SLC35F5: variants seen among roughly 807,000 people sequenced by gnomAD.
SLC35F5 encodes the protein HCV NS5A-transactivated protein 3.
Under a neutral mutation model 68.6 loss-of-function variants are expected in SLC35F5, and 54 were observed. The observed-to-expected ratio is 0.79, with a 90% CI of 0.63 to 0.99. SLC35F5 has a LOEUF of 0.99. Ranked by LOEUF, SLC35F5 falls within the 50% of genes least tolerant of loss-of-function variation. The probability of loss-of-function intolerance (pLI) is 0.00; values close to 1 mark genes in which losing one functional copy is unlikely to be tolerated. For synonymous variants in SLC35F5, 211 were observed against 205.2 expected (o/e 1.03, Z -0.24); for missense variants, 567 against 626.9 (o/e 0.90, Z 1.02).
chr2:113,742,768 T>G lies in SLC35F5; in HGVS notation c.674A>C (p.Gln225Pro), dbSNP rs771468412. The change falls in exon 7 of 16, where the codon CAA becomes CCA. Residue 225 changes from glutamine (Q) to proline (P), a missense_variant. Physicochemically the swap from Gln to Pro is moderately conservative, Grantham distance 76. Coordinates refer to ENST00000245680, the MANE Select transcript of SLC35F5 (RefSeq NM_025181.5). ...CCCCACAGTTTTCAGTATGGATTCTTGTTCTTTCACAGGATATGACATGCG... is the reference window on the plus strand; with the variant it reads ...CCCCACAGTTTTCAGTATGGATTCTGGTTCTTTCACAGGATATGACATGCG... ...LSRMSYPVKE[Q>P]ESILKTVGKL... The G allele has an allele frequency of 3.7e-6, 6 of 1,614,074 alleles. No individual in the cohort carries two copies.
downstream of SLC35F5, among the ~76,000 whole-genome samples, chr2:113,704,512 C>A (rs111595567): frequency 0.17 from 25,655 of 151,348 alleles, 2,766 homozygotes; most frequent in South Asian, 0.24. Flanking sequence ...GCTGGGAAGG[C>A]TCAGGCATGG....
intron 11 of SLC35F5, 173 bp from the exon 12 acceptor site, chr2:113,725,710 G>GA (rs1468770050): frequency 1.2e-3 from 577 of 469,228 alleles, no homozygotes; most frequent in East Asian, 3.9e-3. Flanking sequence ...CAACGCCATA[G>GA]AAAAAAAAAC....
intron 1 of SLC35F5, chr2:113,755,893 T>C: frequency 6.4e-7 from 1 of 1,550,704 alleles, no homozygotes; most frequent in Non-Finnish European, 8.7e-7. Context: ...GGACAGCGTC[T>C]AGACACTGTT....
rs1158074157 is a variant in SLC35F5, at chr2:113,719,173, T to C, written c.1477A>G (p.Arg493Gly). 1 of 1,607,060 alleles carries C rather than the reference T, an allele frequency of 6.2e-7. No individual in the cohort carries two copies. Among genetic ancestry groups the C allele is most frequent in the Admixed American group, 1.7e-5 (1 of 58,034 alleles). Residue 493 changes from arginine (R) to glycine (G), a missense_variant, in exon 14 of 16, where the codon AGA becomes GGA. By Grantham distance (125) the Arg-to-Gly change is moderately radical. Transcript: ENST00000245680. ...GIRRIFAFIC[R>G]KHRIQRVPED... The stretch of plus-strand genomic sequence containing the variant: ...ACTTACCTCTGAATTCGATGTTTTC[T>C]GCATATAAAAGCAAATATTCTTCTG...
intron 12 of SLC35F5, among the ~76,000 whole-genome samples, chr2:113,724,364 C>T (rs543397174): frequency 6.6e-6 from 1 of 152,018 alleles, no homozygotes; most frequent in South Asian, 2.1e-4. Context: ...TTAAAAAAAT[C>T]GAGTATCTAA....
At chr2:113,743,641 C>T in intron 6 of SLC35F5, 72 bp downstream of exon 6, 1 of 1,219,058 alleles carries the variant, frequency 8.2e-7, no homozygotes, top group Non-Finnish European at 1.2e-6. Flanking sequence ...TTCAGTCAAC[C>T]CACATCATCA....
At chr2:113,739,391 T>G (rs949169417) in intron 7 of SLC35F5, among the ~76,000 whole-genome samples, 1 of 152,232 alleles carries the variant, frequency 6.6e-6, no homozygotes, top group African/African-American at 2.4e-5. Flanking sequence ...ATTTTTGATC[T>G]GCAGTTGGTT....
At chr2:113,729,672 T>A (rs1687808227) in intron 10 of SLC35F5, among the ~76,000 whole-genome samples, 167 bp from the exon 11 acceptor site, 1 of 152,138 alleles carries the variant, frequency 6.6e-6, no homozygotes, top group Admixed American at 6.5e-5. Flanking sequence ...TGAAAAGGTA[T>A]AGCCTACCCC....
rs1686919550 is a variant in SLC35F5 at position 113,709,785 on chromosome 2, C to T, written c.*5433G>A. ...CGCCAGACCTACTGAATCAGAAACT[C>T]TAGGGTGGCCCCCAGCAATCAAGTT... On this transcript the variant is annotated 3_prime_UTR_variant, in exon 16 of 16. Transcript: ENST00000245680. Among the ~76,000 whole-genome samples, 1 of 152,112 alleles carries T rather than the reference C, an allele frequency of 6.6e-6. No individual in the cohort carries two copies. The highest frequency in any genetic ancestry group is 1.5e-5 in the Non-Finnish European group (1 of 68,002).
intron 5 of SLC35F5, 89 bp from the exon 6 acceptor site, chr2:113,743,883 A>G (rs1437252640): frequency 3.9e-6 from 4 of 1,021,036 alleles, no homozygotes; most frequent in Non-Finnish European, 5.6e-6. Flanking sequence ...AGACACAAAT[A>G]CCATCTAAAA....
At position 113,730,123 on chromosome 2, in the gene SLC35F5, C is replaced by A. The variant is rs1339405926; in HGVS notation, c.986-618G>T. Among the ~76,000 whole-genome samples, 3 of 152,140 alleles carry A rather than the reference C, an allele frequency of 2.0e-5. No individual in the cohort carries two copies. The East Asian group carries it at 5.8e-4, about 29-fold the overall frequency. On this transcript the variant is annotated intron_variant, in intron 10 of 15. Coordinates refer to ENST00000245680, the MANE Select transcript of SLC35F5 (RefSeq NM_025181.5). Reference sequence around the variant, plus strand: ...TCCCTAGTAGCTTCATTTTATAAATCTCATATTGTTCCAAATCAAGAACTC... The same window carrying A: ...TCCCTAGTAGCTTCATTTTATAAATATCATATTGTTCCAAATCAAGAACTC...
rs372557303 is a variant in SLC35F5 at position 113,710,769 on chromosome 2, CAA to C, written c.*4447_*4448del. ...TGGGTGACAGAGTGAGACCCCATCTCAAAAAAAAAAAAAGAATTTCATCTCAT... is the reference window on the plus strand; with the variant it reads ...TGGGTGACAGAGTGAGACCCCATCTCAAAAAAAAAAAGAATTTCATCTCAT... On this transcript the variant is annotated 3_prime_UTR_variant, in exon 16 of 16. Coordinates refer to ENST00000245680, the MANE Select transcript of SLC35F5 (RefSeq NM_025181.5). 9.0e-5 allele frequency among the ~76,000 whole-genome samples: 12 copies of C among 133,544 alleles called. No individual in the cohort carries two copies. The highest frequency in any genetic ancestry group is 3.3e-5 in the Non-Finnish European group (2 of 61,394). The allele number at this position is 133,544 out of a possible 152,430, so 87.6% of individuals were successfully genotyped here. A position where few individuals can be genotyped will look rare whatever the true frequency, so the allele number is the denominator to read the frequency against.
rs949935027 is a variant in SLC35F5, at chr2:113,709,114, C to G, written c.*6104G>C. ...GGCCTATGTGGTGTCACTGTTATTA[C>G]CACTCTTTACAAAGCACTAAGTACA... On this transcript the variant is annotated 3_prime_UTR_variant, in exon 16 of 16. Transcript: ENST00000245680. 3.9e-5 allele frequency among the ~76,000 whole-genome samples: 6 copies of G among 152,104 alleles called. No homozygotes were observed. The highest frequency in any genetic ancestry group is 1.3e-4 in the Admixed American group (2 of 15,268).
chr2:113,756,337 C>T (rs1676988876), intron 1 of SLC35F5, 33 bp downstream of exon 1: 2 of 1,560,592 alleles, frequency 1.3e-6, no homozygotes, highest in South Asian at 1.2e-5. Flanking sequence ...GTTTGGGCTC[C>T]GGTGATGTCG....
intron 3 of SLC35F5, among the ~76,000 whole-genome samples, chr2:113,751,096 T>C (rs1676718941): frequency 1.3e-5 from 2 of 152,090 alleles, no homozygotes; most frequent in Admixed American, 1.3e-4. Flanking sequence ...CAGTGAGCCA[T>C]GGTCAAGCCA....
Position 113,755,256 on chromosome 2 carries a change from C to G in SLC35F5, c.182G>C (p.Ser61Thr). The G allele has an allele frequency of 1.2e-6, 2 of 1,614,186 alleles. No homozygotes were observed. Among genetic ancestry groups the G allele is most frequent in the Non-Finnish European group, 1.7e-6 (2 of 1,180,038 alleles). Residue 61 changes from serine (S) to threonine (T), a missense_variant, in exon 3 of 16, where the codon AGT (serine) becomes ACT (threonine). Transcript: ENST00000245680. ...FVMNRMNSQN[S>T]GFTQRRRMAL... ...CATTCGCCTGCGCTGAGTGAAACCA[C>G]TGTTCTGGGAATTCATTCGGTTCAT...
intron 7 of SLC35F5, among the ~76,000 whole-genome samples, chr2:113,736,174 T>G (rs1053045008): frequency 3.3e-5 from 5 of 151,810 alleles, no homozygotes; most frequent in Non-Finnish European, 5.9e-5. Flanking sequence ...CTGCGCGTAG[T>G]GGCTCATGCC....
Position 113,714,282 on chromosome 2 carries a change from T to G in SLC35F5, c.*936A>C, listed in dbSNP as rs184621693. The G allele has an allele frequency of 4.7e-3, 716 of 152,250 alleles. 7 individuals are homozygous for G. The highest frequency in any genetic ancestry group is 0.016 in the African/African-American group (683 of 41,572). 9.4% of individuals were successfully genotyped at this position (152,250 alleles called of 1,614,324 possible). On this transcript the variant is annotated 3_prime_UTR_variant, in exon 16 of 16. Transcript: ENST00000245680. ...AATTATTTAAAGAAGAGACATCTAG[T>G]TCTAGAGTAATCTGGCACATTCATA...
At chr2:113,720,326 T>TAA (rs35908818) in intron 13 of SLC35F5, among the ~76,000 whole-genome samples, 3 of 139,060 alleles carry the variant, frequency 2.2e-5, no homozygotes, top group East Asian at 4.2e-4. Flanking sequence ...CTTTGAGAAT[T>TAA]AAAAAAAAAA....
Sources: gnomAD v4.1 joint callset for allele counts (sites outside exome capture counted in the v4.1 genomes callset) on GRCh38, gnomAD v4.1.1 for gene constraint, MANE v1.5 for transcripts, NCBI Gene and HGNC (gene_info 2026-07-23, HGNC 2026-07-21) for gene names.